The following RHBDF2 variants were observed in gnomAD, a reference collection of about 807,000 sequenced individuals.
RHBDF2 encodes inactive rhomboid protein 2.
RHBDF2 carries 38 observed loss-of-function variants against 95.2 expected under a neutral mutation model. The ratio of observed to expected loss-of-function variants is 0.40; its 90% CI spans 0.31 to 0.52. The LOEUF is 0.52. Ranked by LOEUF, RHBDF2 falls within the 20% of genes least tolerant of loss-of-function variation. The pLI is 0.56. For synonymous variants in RHBDF2, 442 were observed against 462.0 expected (o/e 0.96, Z 0.55); for missense variants, 863 against 1,137.7 (o/e 0.76, Z 3.47).
At chr17:76,496,408 C>G (rs2144455692) in intron 1 of RHBDF2, among the ~76,000 whole-genome samples, 1 of 152,312 alleles carries the variant, frequency 6.6e-6, no homozygotes, top group African/African-American at 2.4e-5. Flanking sequence ...AGCCAGGGTC[C>G]CGCGCTCTTA....
intron 2 of RHBDF2, among the ~76,000 whole-genome samples, chr17:76,483,520 G>C (rs113697443): frequency 6.6e-6 from 1 of 152,086 alleles, no homozygotes; most frequent in African/African-American, 2.4e-5. Flanking sequence ...CCTGACCTCA[G>C]GTGATCCACC....
At chr17:76,473,988 T>C (rs1238990472) in intron 13 of RHBDF2, 45 bp downstream of exon 13, 1 of 1,604,408 alleles carries the variant, frequency 6.2e-7, no homozygotes, top group Non-Finnish European at 8.5e-7. Flanking sequence ...TCAGATGGCA[T>C]GGCTATGCCT....
Position 76,478,869 on chromosome 17 carries a change from C to T in RHBDF2, c.609G>A (p.Leu203=), listed in dbSNP as rs779642535. Residue 203 remains leucine (L), a synonymous_variant, in exon 6 of 19, where the codon CTG becomes CTA. Transcript: ENST00000675367. The part of the protein sequence containing the change: ...FTSVRSGYSH[L]PRRKRMSVAH... ...CCACAGACATTCTCTTGCGGCGTGG[C>T]AGGTGGGAGTAGCCAGAACGGACAC... 6.2e-7 allele frequency: 1 copy of T among 1,613,454 alleles called. No individual in the cohort carries two copies. Among genetic ancestry groups the T allele is most frequent in the Non-Finnish European group, 8.5e-7 (1 of 1,179,756 alleles).
In RHBDF2 at chr17:76,481,459, C is replaced by T. The variant is rs1359145492; in HGVS notation, c.66G>A (p.Arg22=). The part of the protein sequence containing the change: ...SSVSSSRLQS[R]KPPNLSITIP... ...TGGTGATGGAGAGGTTGGGTGGCTT[C>T]CGGCTCTGCAGGCGGCTGCTGGACA... Residue 22 remains arginine, a synonymous_variant, in exon 3 of 19, where the codon CGG becomes CGA. Transcript: ENST00000675367. 1 of 1,612,588 alleles carries T rather than the reference C, an allele frequency of 6.2e-7. No homozygotes were observed. Among genetic ancestry groups the T allele is most frequent in the Non-Finnish European group, 8.5e-7 (1 of 1,180,008 alleles).
intron 3 of RHBDF2, 56 bp downstream of exon 3, chr17:76,481,319 G>A (rs2073956253): frequency 8.4e-6 from 13 of 1,551,148 alleles, no homozygotes; most frequent in South Asian, 6.9e-5. Flanking sequence ...AAAGTGTCAC[G>A]TGGGTACATC....
intron 4 of RHBDF2, 67 bp downstream of exon 4, chr17:76,479,666 G>T: frequency 2.3e-6 from 3 of 1,285,766 alleles, no homozygotes; most frequent in South Asian, 1.3e-5. Flanking sequence ...GCCCAATCAT[G>T]TCCAGGCCCC....
chr17:76,494,506 C>G (rs141121291), intron 1 of RHBDF2, among the ~76,000 whole-genome samples: 3,466 of 152,272 alleles, frequency 0.023, 125 homozygotes, highest in African/African-American at 0.075. Flanking sequence ...AATCCCAGCA[C>G]TTTGGGAGGC....
chr17:76,494,212 C>T (rs578079819), intron 1 of RHBDF2, among the ~76,000 whole-genome samples: 1 of 152,186 alleles, frequency 6.6e-6, no homozygotes, highest in African/African-American at 2.4e-5. Flanking sequence ...TTTCTCAGGA[C>T]CAGTTGCCAG....
chr17:76,474,996 T>G (rs968904514), intron 10 of RHBDF2, 34 bp downstream of exon 10: 34 of 1,532,720 alleles, frequency 2.2e-5, no homozygotes, highest in Non-Finnish European at 2.9e-5. Context: ...TAGGAGAGGC[T>G]GGGACCCCCA....
At position 76,471,471 on chromosome 17, in the gene RHBDF2, C is replaced by T. The variant is rs985406321; in HGVS notation, c.*162G>A. ...AACCCCGCCTTAACCAACCATCTCA[C>T]GCGGAGTCAGCCTCGCCTGGCAGGG... On this transcript the variant is annotated 3_prime_UTR_variant, in exon 19 of 19. Coordinates refer to ENST00000675367, the MANE Select transcript of RHBDF2 (RefSeq NM_001005498.4). The T allele has an allele frequency of 3.3e-5, 25 of 750,368 alleles. No homozygotes were observed. In the Admixed American group the frequency reaches 3.9e-4, roughly 12 times the overall value. 46.5% of individuals were successfully genotyped at this position (750,368 alleles called of 1,614,324 possible).
intron 1 of RHBDF2, among the ~76,000 whole-genome samples, chr17:76,500,134 C>G (rs867930161): frequency 2.0e-5 from 3 of 152,264 alleles, no homozygotes; most frequent in Admixed American, 6.5e-5. Flanking sequence ...GAGAAGGAAC[C>G]TGATGGACCA....
intron 1 of RHBDF2, among the ~76,000 whole-genome samples, chr17:76,489,105 G>A: frequency 6.6e-6 from 1 of 152,052 alleles, no homozygotes; most frequent in Non-Finnish European, 1.5e-5. Context: ...CAGCCTGGGT[G>A]ACAGAGCAAG....
At chr17:76,499,788 G>A (rs371220491) in intron 1 of RHBDF2, among the ~76,000 whole-genome samples, 6 of 152,178 alleles carry the variant, frequency 3.9e-5, no homozygotes, top group East Asian at 1.9e-4. Flanking sequence ...AAGAGAGCTC[G>A]CCCTCTGCCC....
Position 76,489,229 on chromosome 17 carries a change from G to A in RHBDF2, c.-219-1320C>T, listed in dbSNP as rs534427911. ...CTTAAGGCAAAGTTCAAATGATCTGGAAGTGTTTTGTTGCTTTGATTGGTA... is the reference window on the plus strand; with the variant it reads ...CTTAAGGCAAAGTTCAAATGATCTGAAAGTGTTTTGTTGCTTTGATTGGTA... On this transcript the variant is annotated intron_variant, in intron 1 of 18. Transcript: ENST00000675367. 2.0e-5 allele frequency among the ~76,000 whole-genome samples: 3 copies of A among 152,256 alleles called. No individual in the cohort carries two copies. In the South Asian group the frequency reaches 6.2e-4, roughly 32 times the overall value.
intron 2 of RHBDF2, among the ~76,000 whole-genome samples, chr17:76,482,592 G>A (rs2074003701): frequency 6.6e-6 from 1 of 151,656 alleles, no homozygotes. Flanking sequence ...TGGCCAACAT[G>A]GTAAAACCCT....
intron 3 of RHBDF2, 153 bp from the exon 4 acceptor site, chr17:76,480,007 A>ATGTGTGTGTGTG (rs138608987): frequency 1.2e-4 from 37 of 307,366 alleles, no homozygotes; most frequent in South Asian, 3.0e-4. Flanking sequence ...TATATATATA[A>ATGTGTGTGTGTG]TGTGTGTGTG....
At position 76,486,880 on chromosome 17, in the gene RHBDF2, C is replaced by T. The variant is rs1405896999; in HGVS notation, c.-22+832G>A. ...ACACAGAGGAGGGGCTGGCTCTTCT[C>T]AGCCTCCTGGTTGCAGTTCAAGTGC... On this transcript the variant is annotated intron_variant, in intron 2 of 18. Transcript: ENST00000675367. 2.0e-5 allele frequency among the ~76,000 whole-genome samples: 3 copies of T among 151,884 alleles called. No individual in the cohort carries two copies. The East Asian group carries it at 5.8e-4, about 29-fold the overall frequency.
chr17:76,494,676 T>C (rs1360627958), intron 1 of RHBDF2, among the ~76,000 whole-genome samples: 1 of 152,130 alleles, frequency 6.6e-6, no homozygotes, highest in Non-Finnish European at 1.5e-5. Flanking sequence ...CGCTTGAACC[T>C]GGGAGGCGGA....
At chr17:76,497,535 C>G (rs983366590) in intron 1 of RHBDF2, among the ~76,000 whole-genome samples, 6 of 151,998 alleles carry the variant, frequency 3.9e-5, no homozygotes, top group Admixed American at 2.0e-4. Flanking sequence ...GAGGCAGGGC[C>G]TCGGCCATCT....
Sources: gnomAD v4.1 joint callset for allele counts (sites outside exome capture counted in the v4.1 genomes callset) on GRCh38, gnomAD v4.1.1 for gene constraint, MANE v1.5 for transcripts, NCBI Gene and HGNC (gene_info 2026-07-23, HGNC 2026-07-21) for gene names.